IFT88: variants seen among roughly 807,000 people sequenced by gnomAD.
IFT88 encodes the protein intraflagellar transport protein 88 homolog.
In IFT88, 74 loss-of-function variants were observed where a neutral mutation model predicts 119.5. The observed-to-expected ratio is 0.62, with a 90% CI of 0.51 to 0.75. The LOEUF is 0.75. Among genes scored for constraint, IFT88 ranks in the 30% least tolerant of loss-of-function variants. IFT88 has a pLI of 0.00. For synonymous variants in IFT88, 279 were observed against 316.7 expected (o/e 0.88, Z 1.26); for missense variants, 961 against 977.7 (o/e 0.98, Z 0.23).
chr13:20,643,243 A>G (rs1031864657), intron 18 of IFT88, among the ~76,000 whole-genome samples: 3 of 152,208 alleles, frequency 2.0e-5, no homozygotes, highest in African/African-American at 7.2e-5. Flanking sequence ...GTAATGGAGG[A>G]AAAGGGAAAG....
intron 2 of IFT88, among the ~76,000 whole-genome samples, chr13:20,577,412 G>A (rs2037596083): frequency 6.6e-6 from 1 of 152,160 alleles, no homozygotes; most frequent in African/African-American, 2.4e-5. Flanking sequence ...TAACAGTGGT[G>A]ACAGTGGTCA....
chr13:20,569,742 G>A (rs1215792176), intron 1 of IFT88, among the ~76,000 whole-genome samples: 1 of 148,862 alleles, frequency 6.7e-6, no homozygotes, highest in Admixed American at 6.7e-5. Context: ...TTTTGGGAAT[G>A]AGCTGGCCGG....
intron 9 of IFT88, among the ~76,000 whole-genome samples, chr13:20,598,077 A>C (rs2042049605): frequency 6.6e-6 from 1 of 152,182 alleles, no homozygotes; most frequent in African/African-American, 2.4e-5. Context: ...CATATGCTAA[A>C]CACATAGGAA....
At position 20,582,996 on chromosome 13, in the gene IFT88, A is replaced by T; in HGVS notation, c.130A>T (p.Thr44Ser). Residue 44 changes from threonine to serine, a missense_variant, in exon 3 of 26, where the codon ACT (threonine) becomes TCT (serine). By Grantham distance (58) the Thr-to-Ser change is moderately conservative. Coordinates refer to ENST00000351808, the MANE Select transcript of IFT88 (RefSeq NM_006531.5). ...TGCAGCTTTTCAGCAAGCTGTGAGG[A>T]CTAGTCATGGCAGAAGACCTCCAGT... ...NDAAFQQAVR[T>S]SHGRRPPITA... The T allele has an allele frequency of 6.2e-7, 1 of 1,612,158 alleles. No homozygotes were observed. Among genetic ancestry groups the T allele is most frequent in the South Asian group, 1.1e-5 (1 of 90,922 alleles).
rs569903578 is a variant in IFT88, at chr13:20,617,683, T to C, written c.1199+1804T>C. Among the ~76,000 whole-genome samples, 56 of 152,368 alleles carry C rather than the reference T, an allele frequency of 3.7e-4. 1 individual carries two copies. The highest frequency in any genetic ancestry group is 1.1e-3 in the Admixed American group (17 of 15,302). ...GTAATGACTTGTAGTCTTTTGGATATGGCTGACCTGAATTGGACTGAACTC... is the reference window on the plus strand; with the variant it reads ...GTAATGACTTGTAGTCTTTTGGATACGGCTGACCTGAATTGGACTGAACTC... On this transcript the variant is annotated intron_variant, in intron 14 of 25. Transcript: ENST00000351808.
intron 21 of IFT88, 98 bp from the exon 22 acceptor site, chr13:20,656,267 A>T (rs2052776221): frequency 4.5e-6 from 2 of 444,594 alleles, no homozygotes; most frequent in South Asian, 1.3e-4. Flanking sequence ...TTTCTATTAA[A>T]CCATTAAATA....
chr13:20,607,141 C>G, intron 13 of IFT88: 1 of 400,982 alleles, frequency 2.5e-6, no homozygotes, highest in Non-Finnish European at 5.1e-6. Context: ...TGTCCTTGTG[C>G]CACATCCTGG....
At chr13:20,640,476 G>C (rs1428360093) in intron 17 of IFT88, among the ~76,000 whole-genome samples, 2 of 151,992 alleles carry the variant, frequency 1.3e-5, no homozygotes, top group African/African-American at 4.8e-5. Flanking sequence ...AGGAGGCTGA[G>C]GCAGGAGAAT....
chr13:20,680,390 G>C (rs574271669), intron 24 of IFT88, among the ~76,000 whole-genome samples: 1 of 152,328 alleles, frequency 6.6e-6, no homozygotes, highest in African/African-American at 2.4e-5. Flanking sequence ...ACTTTCGTTA[G>C]TGTATACCTC....
chr13:20,659,932 G>A lies in IFT88; in HGVS notation c.2068+3502G>A, dbSNP rs182769270. Among the ~76,000 whole-genome samples, 344 of 152,230 alleles carry A rather than the reference G, an allele frequency of 2.3e-3. 3 individuals carry two copies. The highest frequency in any genetic ancestry group is 7.9e-3 in the African/African-American group (327 of 41,536). Reference sequence around the variant, plus strand: ...GCTGGGATTACAGGCGTGAGCCACCGCGCCTGGTCTACTTTAATGGTCTTA... The same window carrying A: ...GCTGGGATTACAGGCGTGAGCCACCACGCCTGGTCTACTTTAATGGTCTTA... On this transcript the variant is annotated intron_variant, in intron 22 of 25. Coordinates refer to ENST00000351808, the MANE Select transcript of IFT88 (RefSeq NM_006531.5).
At chr13:20,670,846 C>T in intron 23 of IFT88, 127 bp from the exon 24 acceptor site, 1 of 479,816 alleles carries the variant, frequency 2.1e-6, no homozygotes, top group Non-Finnish European at 3.4e-6. Context: ...ATAGAATCAA[C>T]TCTCAGGTAT....
At chr13:20,597,513 G>T (rs2041865194) in intron 9 of IFT88, among the ~76,000 whole-genome samples, 1 of 152,036 alleles carries the variant, frequency 6.6e-6, no homozygotes, top group South Asian at 2.1e-4. Flanking sequence ...GGGAGGCCGA[G>T]GCGGGCAGAT....
Position 20,691,391 on chromosome 13 carries a change from T to C in IFT88, c.*216T>C. The C allele has an allele frequency of 2.6e-6, 1 of 388,098 alleles. No homozygotes were observed. The highest frequency in any genetic ancestry group is 4.5e-5 in the East Asian group (1 of 22,284). 24.0% of individuals were successfully genotyped at this position (388,098 alleles called of 1,614,324 possible). On this transcript the variant is annotated 3_prime_UTR_variant, in exon 26 of 26. Transcript: ENST00000351808. The stretch of plus-strand genomic sequence containing the variant: ...ACTTTAGGCCAGTGACTTCCTTAGC[T>C]TTTTGAAAACATTGACACACAGGAA...
intron 14 of IFT88, among the ~76,000 whole-genome samples, chr13:20,621,024 G>A (rs1371267066): frequency 1.3e-5 from 2 of 152,064 alleles, no homozygotes; most frequent in Non-Finnish European, 2.9e-5. Flanking sequence ...AAAAATAAAT[G>A]TCTTTGTTTA....
At chr13:20,639,448 C>T (rs1193132218) in intron 17 of IFT88, among the ~76,000 whole-genome samples, 1 of 152,122 alleles carries the variant, frequency 6.6e-6, no homozygotes, top group South Asian at 2.1e-4. Context: ...TCTTTAATCT[C>T]CTGCCTGAAG....
intron 15 of IFT88, among the ~76,000 whole-genome samples, chr13:20,628,299 T>C (rs2047663576): frequency 6.6e-6 from 1 of 152,094 alleles, no homozygotes; most frequent in Non-Finnish European, 1.5e-5. Context: ...AAAAATAGAC[T>C]CTGCCAAAAA....
intron 1 of IFT88, among the ~76,000 whole-genome samples, chr13:20,571,125 C>T (rs2036278198): frequency 6.6e-6 from 1 of 152,106 alleles, no homozygotes; most frequent in Non-Finnish European, 1.5e-5. Context: ...TCCTGAGTAC[C>T]TGGGATTACA....
chr13:20,576,372 G>A (rs1355872078), intron 2 of IFT88, among the ~76,000 whole-genome samples: 1 of 152,096 alleles, frequency 6.6e-6, no homozygotes, highest in African/African-American at 2.4e-5. Context: ...TTAACTTGAT[G>A]TGATCTCATT....
At chr13:20,655,356 C>T (rs1029736626) in intron 21 of IFT88, among the ~76,000 whole-genome samples, 1 of 151,082 alleles carries the variant, frequency 6.6e-6, no homozygotes, top group Admixed American at 6.6e-5. Context: ...CACTTGAAGC[C>T]AGGAGGCGAA....
Sources: allele counts gnomAD v4.1 joint callset (sites outside exome capture counted in the v4.1 genomes callset), GRCh38; gene constraint gnomAD v4.1.1; transcripts MANE v1.5; gene names NCBI Gene and HGNC (gene_info 2026-07-23, HGNC 2026-07-21).